SGCD: variants seen among roughly 807,000 people sequenced by gnomAD.
SGCD encodes the protein sarcoglycan delta, also known as delta-sarcoglycan.
A neutral mutation model predicts 36.6 loss-of-function variants in SGCD; 18 were observed. The ratio of observed to expected loss-of-function variants is 0.49; its 90% CI spans 0.34 to 0.73. SGCD has a LOEUF of 0.73. Among genes scored for constraint, SGCD ranks in the 30% least tolerant of loss-of-function variants. The pLI, the probability that SGCD is intolerant of heterozygous loss-of-function variation, is 0.01. For synonymous variants in SGCD, 133 were observed against 130.6 expected (o/e 1.02, Z -0.12); for missense variants, 387 against 346.7 (o/e 1.12, Z -0.92).
chr5:156,240,598 A>G (rs1431415077), intron 3 of SGCD, among the ~76,000 whole-genome samples: 2 of 152,220 alleles, frequency 1.3e-5, no homozygotes, highest in African/African-American at 4.8e-5. Context: ...CTGTGATGAG[A>G]TAAGAACCGA....
intron 2 of SGCD, among the ~76,000 whole-genome samples, chr5:156,339,439 A>G (rs1233075805): frequency 6.6e-6 from 1 of 152,242 alleles, no homozygotes; most frequent in Non-Finnish European, 1.5e-5. Context: ...TGATATAGCT[A>G]GTTACTTATT....
the SGCD span, among the ~76,000 whole-genome samples, chr5:155,730,893 A>G: frequency 2.0e-5 from 3 of 152,230 alleles, no homozygotes; most frequent in East Asian, 5.8e-4. Context: ...GCAGCAGATC[A>G]TCAAGGATAT....
chr5:156,708,047 A>T (rs909892069), intron 7 of SGCD, among the ~76,000 whole-genome samples: 1 of 152,158 alleles, frequency 6.6e-6, no homozygotes, highest in East Asian at 1.9e-4. Flanking sequence ...TAAGCCAAAG[A>T]TTAAGTCTTG....
intron 7 of SGCD, among the ~76,000 whole-genome samples, chr5:156,698,407 G>A (rs564708004): frequency 6.6e-6 from 1 of 152,264 alleles, no homozygotes; most frequent in East Asian, 1.9e-4. Context: ...ATCTCACCTT[G>A]CTACTAACTC....
the SGCD span, among the ~76,000 whole-genome samples, chr5:155,799,746 T>C: frequency 0.27 from 40,214 of 148,682 alleles, 7,068 homozygotes; most frequent in East Asian, 0.43. Flanking sequence ...TTTTCTGCCT[T>C]CCATACCCAC....
intron 4 of SGCD, among the ~76,000 whole-genome samples, chr5:156,545,990 C>T (rs1758557035): frequency 6.6e-6 from 1 of 152,134 alleles, no homozygotes; most frequent in South Asian, 2.1e-4. Context: ...CAGCATTAGA[C>T]TGGATCAGGA....
At chr5:156,184,372 T>TTTTTC (rs1479875476) in intron 3 of SGCD, among the ~76,000 whole-genome samples, 1 of 58,360 alleles carries the variant, frequency 1.7e-5, no homozygotes, top group Non-Finnish European at 3.1e-5. Context: ...AAGCAGCCAG[T>TTTTTC]TTTTTTTTTT....
the SGCD span, among the ~76,000 whole-genome samples, chr5:155,802,396 T>C: frequency 6.6e-6 from 1 of 152,230 alleles, no homozygotes; most frequent in Non-Finnish European, 1.5e-5. Context: ...GTAAGCTTGC[T>C]TCTACATAGT....
At chr5:155,906,042 C>T (rs141886230) in intron 1 of SGCD, among the ~76,000 whole-genome samples, 145 of 152,236 alleles carry the variant, frequency 9.5e-4, no homozygotes, top group African/African-American at 3.4e-3. Context: ...TTTCCAACAG[C>T]ATGGGCTGTG....
intron 3 of SGCD, among the ~76,000 whole-genome samples, chr5:156,155,247 T>A (rs1762924860): frequency 6.6e-6 from 1 of 151,356 alleles, no homozygotes; most frequent in Non-Finnish European, 1.5e-5. Context: ...GTTTAAATGG[T>A]CATAGATATT....
At chr5:155,887,105 T>C (rs979632423) in intron 1 of SGCD, among the ~76,000 whole-genome samples, 10 of 152,202 alleles carry the variant, frequency 6.6e-5, no homozygotes, top group Non-Finnish European at 7.3e-5. Flanking sequence ...ATGGTTTACA[T>C]TGGGGGCGAA....
chr5:156,477,709 T>TGGG (rs1284400978), intron 3 of SGCD, among the ~76,000 whole-genome samples: 4 of 144,330 alleles, frequency 2.8e-5, no homozygotes, highest in African/African-American at 1.0e-4. Flanking sequence ...AAAAAAGTGA[T>TGGG]GTCAAGGTCA....
chr5:156,177,007 T>C (rs1407161290), intron 3 of SGCD, among the ~76,000 whole-genome samples: 1 of 152,172 alleles, frequency 6.6e-6, no homozygotes, highest in Non-Finnish European at 1.5e-5. Context: ...TTTTATTTTT[T>C]ATTTATTTTT....
At chr5:155,996,778 CAAAAA>C (rs777241846) in intron 1 of SGCD, among the ~76,000 whole-genome samples, 3 of 61,488 alleles carry the variant, frequency 4.9e-5, no homozygotes, top group East Asian at 9.2e-4. Flanking sequence ...GACTCTGTTT[CAAAAA>C]AAAAAAAAAA....
intron 6 of SGCD, among the ~76,000 whole-genome samples, chr5:156,613,247 G>A (rs962764935): frequency 2.6e-5 from 4 of 152,174 alleles, no homozygotes; most frequent in African/African-American, 9.7e-5. Flanking sequence ...CCATCTTGCT[G>A]TTTCATTGTG....
intron 3 of SGCD, among the ~76,000 whole-genome samples, chr5:156,481,963 C>T (rs1342569830): frequency 1.3e-5 from 2 of 152,190 alleles, no homozygotes; most frequent in African/African-American, 2.4e-5. Flanking sequence ...TAGACAGTGA[C>T]TCAGGAATCA....
rs566095218 is a variant in SGCD at position 156,130,727 on chromosome 5, T to G, written c.-44+6708T>G. On this transcript the variant is annotated intron_variant, in intron 3 of 9. Coordinates refer to the SGCD transcript ENST00000517913. ...ATTTCTCGTTTTTCTTTTCTTTCTTTCTTTTTTTTTTCTTTTGAGATGGAG... is the reference window on the plus strand; with the variant it reads ...ATTTCTCGTTTTTCTTTTCTTTCTTGCTTTTTTTTTTCTTTTGAGATGGAG... Among the ~76,000 whole-genome samples the G allele has an allele frequency of 5.3e-5, 8 of 152,160 alleles. No homozygotes were observed. In the South Asian group the frequency reaches 1.7e-3, roughly 32 times the overall value.
chr5:156,235,864 T>G (rs1561577801), intron 3 of SGCD, among the ~76,000 whole-genome samples: 1 of 152,192 alleles, frequency 6.6e-6, no homozygotes, highest in Non-Finnish European at 1.5e-5. Context: ...CCTCTTATAA[T>G]GGAAATTGGG....
intron 3 of SGCD, among the ~76,000 whole-genome samples, chr5:156,435,697 A>T (rs1307281685): frequency 6.6e-6 from 1 of 152,168 alleles, no homozygotes; most frequent in Non-Finnish European, 1.5e-5. Context: ...AGACCTCCTG[A>T]GTCCATGTAT....
Sources: allele counts gnomAD v4.1 joint callset (sites outside exome capture counted in the v4.1 genomes callset), GRCh38; gene constraint gnomAD v4.1.1; transcripts MANE v1.5; gene names NCBI Gene and HGNC (gene_info 2026-07-23, HGNC 2026-07-21).